Variants in RAD51B observed in about 807,000 individuals in gnomAD.
RAD51B encodes RAD51 paralog B.
A neutral mutation model predicts 42.2 loss-of-function variants in RAD51B; 38 were observed. The ratio of observed to expected loss-of-function variants is 0.90; its 90% CI spans 0.70 to 1.18. RAD51B has a LOEUF of 1.18. Ranked by LOEUF, RAD51B falls within the 50% of genes most tolerant of loss-of-function variation. RAD51B has a pLI of 0.00. For missense variants in RAD51B, 373 were observed against 400.7 expected, an observed-to-expected ratio of 0.93 and a Z score of 0.59; for synonymous variants, 154 against 145.2, an observed-to-expected ratio of 1.06 and a Z score of -0.43.
At chr14:68,002,413 T>C (rs1484066308) in intron 7 of RAD51B, among the ~76,000 whole-genome samples, 1 of 152,232 alleles carries the variant, frequency 6.6e-6, no homozygotes, top group African/African-American at 2.4e-5. Context: ...TTTAAGTTCC[T>C]TGTAGATGCT....
intron 8 of RAD51B, among the ~76,000 whole-genome samples, chr14:68,364,899 A>T (rs2083109244): frequency 6.6e-6 from 1 of 152,168 alleles, no homozygotes; most frequent in Non-Finnish European, 1.5e-5. Flanking sequence ...TTTCCCGCTC[A>T]AGCTCCCTGG....
intron 10 of RAD51B, among the ~76,000 whole-genome samples, chr14:68,572,484 G>A (rs1465784669): frequency 6.6e-6 from 1 of 152,246 alleles, no homozygotes; most frequent in East Asian, 1.9e-4. Context: ...CAGCTGGGGG[G>A]CTGCTTGGTT....
intron 4 of RAD51B, among the ~76,000 whole-genome samples, chr14:67,849,287 T>C (rs2041724504): frequency 6.6e-6 from 1 of 152,184 alleles, no homozygotes; most frequent in South Asian, 2.1e-4. Flanking sequence ...TCTTTTTTTT[T>C]CTTTTTCCTT....
At chr14:67,877,100 T>G (rs1287686396) in intron 5 of RAD51B, among the ~76,000 whole-genome samples, 1 of 152,106 alleles carries the variant, frequency 6.6e-6, no homozygotes, top group African/African-American at 2.4e-5. Flanking sequence ...AGAAGAAATT[T>G]TTTTTTTACA....
chr14:68,549,017 G>A (rs1888378129), intron 10 of RAD51B, among the ~76,000 whole-genome samples: 1 of 152,160 alleles, frequency 6.6e-6, no homozygotes, highest in Non-Finnish European at 1.5e-5. Context: ...GGGTAGGGGT[G>A]TATTCAGATC....
chr14:67,938,623 C>T (rs1305867815), intron 7 of RAD51B, among the ~76,000 whole-genome samples: 5 of 152,138 alleles, frequency 3.3e-5, no homozygotes, highest in African/African-American at 9.7e-5. Flanking sequence ...AGGGGCTTCT[C>T]AGTCATTTTG....
At chr14:67,920,037 T>A (rs999808941) in intron 7 of RAD51B, among the ~76,000 whole-genome samples, 20 of 152,198 alleles carry the variant, frequency 1.3e-4, no homozygotes, top group Non-Finnish European at 1.5e-5. Context: ...TTAAAATCCA[T>A]CTATATATTG....
chr14:67,857,027 C>T (rs983427441), intron 4 of RAD51B, among the ~76,000 whole-genome samples: 5 of 152,136 alleles, frequency 3.3e-5, no homozygotes, highest in South Asian at 2.1e-4. Context: ...TTCTAACCAC[C>T]ATTGGGGCTG....
chr14:68,093,713 C>T lies in RAD51B; in HGVS notation c.757-198171C>T, dbSNP rs144342119. ...GTCTCTATTTCCTTCAGTTCTGCTCCGATCTTAGTTATTTCTTGCCTTCTG... is the reference window on the plus strand; with the variant it reads ...GTCTCTATTTCCTTCAGTTCTGCTCTGATCTTAGTTATTTCTTGCCTTCTG... On this transcript the variant is annotated intron_variant, in intron 7 of 10. Coordinates refer to ENST00000471583, the MANE Select transcript of RAD51B (RefSeq NM_133510.4). Among the ~76,000 whole-genome samples, 473 of 152,028 alleles carry T rather than the reference C, an allele frequency of 3.1e-3. 3 individuals carry two copies. The highest frequency in any genetic ancestry group is 0.011 in the African/African-American group (445 of 41,450).
chr14:68,265,335 G>A (rs1043267716), intron 7 of RAD51B, among the ~76,000 whole-genome samples: 1 of 152,198 alleles, frequency 6.6e-6, no homozygotes, highest in Non-Finnish European at 1.5e-5. Flanking sequence ...GTCCCCTAGT[G>A]AGTATTCAGC....
intron 9 of RAD51B, among the ~76,000 whole-genome samples, chr14:68,432,199 A>T (rs1190601314): frequency 6.6e-6 from 1 of 152,178 alleles, no homozygotes; most frequent in African/African-American, 2.4e-5. Context: ...AATAAGTATG[A>T]TGTGGTGCTA....
At chr14:68,651,516 T>C (rs991632371) in intron 11 of RAD51B, among the ~76,000 whole-genome samples, 1 of 152,146 alleles carries the variant, frequency 6.6e-6, no homozygotes, top group Non-Finnish European at 1.5e-5. Flanking sequence ...AGCTCCACTA[T>C]CCAGAAGGAT....
At chr14:68,209,841 T>C (rs1013286886) in intron 7 of RAD51B, among the ~76,000 whole-genome samples, 1 of 152,212 alleles carries the variant, frequency 6.6e-6, no homozygotes, top group African/African-American at 2.4e-5. Context: ...TTAAGTGGTA[T>C]TAAAGGAAGC....
At chr14:68,582,625 C>G (rs1456771885) in intron 10 of RAD51B, among the ~76,000 whole-genome samples, 1 of 152,174 alleles carries the variant, frequency 6.6e-6, no homozygotes, top group Non-Finnish European at 1.5e-5. Flanking sequence ...ACCAGAAATA[C>G]CATTTGACCC....
At chr14:68,065,140 T>A (rs2076629398) in intron 7 of RAD51B, among the ~76,000 whole-genome samples, 1 of 152,120 alleles carries the variant, frequency 6.6e-6, no homozygotes, top group Non-Finnish European at 1.5e-5. Flanking sequence ...TGCAGATGTG[T>A]TTTAGGGTCT....
chr14:68,008,029 A>G (rs1276939817), intron 7 of RAD51B, among the ~76,000 whole-genome samples: 1 of 151,942 alleles, frequency 6.6e-6, no homozygotes, highest in Non-Finnish European at 1.5e-5. Flanking sequence ...ACTCTCAGGT[A>G]ACATAGGAAA....
intron 8 of RAD51B, among the ~76,000 whole-genome samples, chr14:68,306,450 A>G (rs1280305336): frequency 6.6e-6 from 1 of 152,178 alleles, no homozygotes; most frequent in Non-Finnish European, 1.5e-5. Flanking sequence ...TTTTTTCTCC[A>G]TGAGAATGTG....
intron 11 of RAD51B, among the ~76,000 whole-genome samples, chr14:68,678,099 A>T (rs558531767): frequency 6.6e-6 from 1 of 152,310 alleles, no homozygotes; most frequent in East Asian, 1.9e-4. Context: ...GGAATATGAG[A>T]CTCAGAGATA....
intron 11 of RAD51B, among the ~76,000 whole-genome samples, chr14:68,651,284 C>T (rs1892692954): frequency 6.6e-6 from 1 of 152,194 alleles, no homozygotes; most frequent in Non-Finnish European, 1.5e-5. Flanking sequence ...GTGGTCCTCA[C>T]ACCTCAACCT....
Sources: gnomAD v4.1 joint callset for allele counts (sites outside exome capture counted in the v4.1 genomes callset) on GRCh38, gnomAD v4.1.1 for gene constraint, MANE v1.5 for transcripts, NCBI Gene and HGNC (gene_info 2026-07-23, HGNC 2026-07-21) for gene names.